The following TMEM132D variants were observed in gnomAD, a reference collection of about 807,000 sequenced individuals.
The protein encoded by TMEM132D is mature OL transmembrane protein.
A neutral mutation model predicts 62.3 loss-of-function variants in TMEM132D; 21 were observed. That is an observed-to-expected ratio of 0.34 (90% CI 0.24 to 0.49). The LOEUF (loss-of-function observed/expected upper bound fraction) is 0.49. Ranked by LOEUF, TMEM132D falls within the 20% of genes least tolerant of loss-of-function variation. The pLI, the probability that TMEM132D is intolerant of heterozygous loss-of-function variation, is 0.99. For synonymous variants in TMEM132D, 621 were observed against 575.6 expected (o/e 1.08, Z -1.13); for missense variants, 1,346 against 1,402.8 (o/e 0.96, Z 0.65).
intron 2 of TMEM132D, among the ~76,000 whole-genome samples, chr12:129,547,605 A>G (rs1312217048): frequency 6.6e-6 from 1 of 152,156 alleles, no homozygotes; most frequent in East Asian, 1.9e-4. Flanking sequence ...ACTTTCATGG[A>G]TGCCATTTCC....
At chr12:129,431,081 G>A (rs566747610) in intron 3 of TMEM132D, among the ~76,000 whole-genome samples, 141 of 152,332 alleles carry the variant, frequency 9.3e-4, no homozygotes, top group African/African-American at 2.8e-3. Flanking sequence ...GGGCTTCCAG[G>A]AATGGAGAAG....
intron 1 of TMEM132D, among the ~76,000 whole-genome samples, chr12:129,809,197 A>G (rs1003362390): frequency 2.0e-5 from 3 of 151,700 alleles, no homozygotes; most frequent in African/African-American, 7.3e-5. Flanking sequence ...AGTCCCAGAT[A>G]TTCGGGAGGC....
chr12:129,649,797 CGTATGTGT>C, intron 2 of TMEM132D, among the ~76,000 whole-genome samples: 1 of 148,900 alleles, frequency 6.7e-6, no homozygotes, highest in East Asian at 2.0e-4. Context: ...TGTGTGTGTG[CGTATGTGT>C]GTGTGTATGT....
intron 4 of TMEM132D, among the ~76,000 whole-genome samples, chr12:129,312,265 T>A (rs1593332962): frequency 2.0e-5 from 3 of 152,218 alleles, no homozygotes; most frequent in East Asian, 3.9e-4. Flanking sequence ...GGAGAACTCC[T>A]ATCTTGTTTC....
chr12:129,372,553 C>T (rs1053844758), intron 3 of TMEM132D, among the ~76,000 whole-genome samples: 6 of 151,142 alleles, frequency 4.0e-5, no homozygotes, highest in Non-Finnish European at 8.8e-5. Flanking sequence ...TGTTACCACC[C>T]ACATTCCACC....
chr12:129,230,139 C>G (rs1281862967), intron 4 of TMEM132D, among the ~76,000 whole-genome samples: 4 of 152,252 alleles, frequency 2.6e-5, no homozygotes, highest in African/African-American at 9.6e-5. Flanking sequence ...ACTTCATAAC[C>G]TGCTGACCAA....
At chr12:129,620,962 A>G (rs1354628790) in intron 2 of TMEM132D, among the ~76,000 whole-genome samples, 3 of 152,186 alleles carry the variant, frequency 2.0e-5, no homozygotes, top group African/African-American at 7.2e-5. Context: ...CATCCTGCAC[A>G]TGTATTCCAG....
intron 4 of TMEM132D, among the ~76,000 whole-genome samples, chr12:129,330,434 C>G (rs187545239): frequency 6.6e-6 from 1 of 152,330 alleles, no homozygotes; most frequent in East Asian, 1.9e-4. Flanking sequence ...TGTGGCAATA[C>G]TGAGAGGTGG....
chr12:129,689,331 T>C (rs1288670637), intron 2 of TMEM132D, among the ~76,000 whole-genome samples: 1 of 152,196 alleles, frequency 6.6e-6, no homozygotes, highest in African/African-American at 2.4e-5. Flanking sequence ...TATATTCTTA[T>C]AGCTGAGAAA....
At chr12:129,128,811 C>A (rs1211176015) in intron 5 of TMEM132D, among the ~76,000 whole-genome samples, 1 of 151,942 alleles carries the variant, frequency 6.6e-6, no homozygotes, top group Non-Finnish European at 1.5e-5. Context: ...TTCATGTGTG[C>A]CCATTGTTTA....
intron 6 of TMEM132D, among the ~76,000 whole-genome samples, chr12:129,082,341 CA>C (rs2135617410): frequency 6.6e-6 from 1 of 152,306 alleles, no homozygotes; most frequent in South Asian, 2.1e-4. Context: ...TTCTTTCATC[CA>C]ATGAAAAAGT....
intron 1 of TMEM132D, among the ~76,000 whole-genome samples, chr12:129,894,711 G>C (rs908357067): frequency 6.7e-5 from 10 of 148,728 alleles, no homozygotes; most frequent in Non-Finnish European, 1.2e-4. Context: ...ACCCCACAGA[G>C]CTCGCACCTT....
At chr12:129,187,792 C>G (rs913147567) in intron 5 of TMEM132D, among the ~76,000 whole-genome samples, 3 of 152,216 alleles carry the variant, frequency 2.0e-5, no homozygotes, top group African/African-American at 7.2e-5. Flanking sequence ...AAGAGATTTA[C>G]CTGCACTTAC....
chr12:129,270,239 G>A (rs952770973), intron 4 of TMEM132D, among the ~76,000 whole-genome samples: 1 of 152,100 alleles, frequency 6.6e-6, no homozygotes, highest in Admixed American at 6.6e-5. Context: ...GTTGTCAAGA[G>A]CAGGTTCCTC....
At chr12:129,527,901 T>A (rs76472315) in intron 3 of TMEM132D, among the ~76,000 whole-genome samples, 1 of 152,228 alleles carries the variant, frequency 6.6e-6, no homozygotes, top group African/African-American at 2.4e-5. Flanking sequence ...TAAACTTAGA[T>A]AAGAGATCTT....
intron 1 of TMEM132D, among the ~76,000 whole-genome samples, chr12:129,881,566 A>C (rs1874596367): frequency 6.6e-6 from 1 of 152,074 alleles, no homozygotes; most frequent in Non-Finnish European, 1.5e-5. Context: ...TCCCCCAAAC[A>C]TCTGAAAATT....
intron 1 of TMEM132D, among the ~76,000 whole-genome samples, chr12:129,821,314 T>C (rs1442506273): frequency 6.6e-6 from 1 of 152,194 alleles, no homozygotes; most frequent in Non-Finnish European, 1.5e-5. Flanking sequence ...TGGTGTCCTC[T>C]GAAACGCACG....
intron 3 of TMEM132D, among the ~76,000 whole-genome samples, chr12:129,346,051 G>T (rs989994893): frequency 4.6e-5 from 7 of 152,138 alleles, no homozygotes; most frequent in African/African-American, 1.2e-4. Context: ...AAATTCGGCT[G>T]TGAATCCATC....
At chr12:129,324,927 A>G (rs1438323107) in intron 4 of TMEM132D, among the ~76,000 whole-genome samples, 1 of 152,222 alleles carries the variant, frequency 6.6e-6, no homozygotes. Flanking sequence ...CAGCACATGT[A>G]TTTACTGTAA....
Sources: allele counts gnomAD v4.1 joint callset (sites outside exome capture counted in the v4.1 genomes callset), GRCh38; gene constraint gnomAD v4.1.1; transcripts MANE v1.5; gene names NCBI Gene and HGNC (gene_info 2026-07-23, HGNC 2026-07-21).